DNAH10: variants seen among roughly 807,000 people sequenced by gnomAD.
DNAH10 encodes dynein axonemal heavy chain 10.
In DNAH10, 348 loss-of-function variants were observed where a neutral mutation model predicts 506.6. The observed-to-expected ratio is 0.69, with a 90% CI of 0.63 to 0.75. DNAH10 has a LOEUF of 0.75. DNAH10 is among the 30% of genes least tolerant of loss of function. The pLI, the probability that DNAH10 is intolerant of heterozygous loss-of-function variation, is 0.00. For synonymous variants in DNAH10, 2,059 were observed against 2,198.6 expected (o/e 0.94, Z 1.78); for missense variants, 5,179 against 5,787.1 (o/e 0.89, Z 3.41).
intron 52 of DNAH10, among the ~76,000 whole-genome samples, chr12:123,890,812 G>T (rs1952950071): frequency 6.6e-6 from 1 of 152,126 alleles, no homozygotes; most frequent in Non-Finnish European, 1.5e-5. Flanking sequence ...CTGTGGGTTG[G>T]GGGAGGGGTA....
At chr12:123,765,599 T>TCTATCTAC (rs55731042) in intron 1 of DNAH10, among the ~76,000 whole-genome samples, 2 of 149,324 alleles carry the variant, frequency 1.3e-5, no homozygotes, top group Non-Finnish European at 3.0e-5. Flanking sequence ...TATCTATCTA[T>TCTATCTAC]ACATACCTCT....
In DNAH10 at chr12:123,857,224, G is replaced by A. The variant is rs752715591; in HGVS notation, c.6607G>A (p.Gly2203Ser). ...GGTAGAGCAGGTCCTGGAGGAGAAC[G>A]GCTACGCGGTCCTACCCATCCAGGT... Reference protein sequence around the residue: ...DAVEQVLEENGYAVLPIQVDK... With the variant: ...DAVEQVLEENSYAVLPIQVDK... Residue 2203 changes from glycine (G) to serine (S), a missense_variant, in exon 37 of 79, where the codon GGC (glycine) becomes AGC (serine). By Grantham distance (56) the Gly-to-Ser change is moderately conservative. Transcript: ENST00000673944. 1.1e-5 allele frequency: 17 copies of A among 1,582,272 alleles called. No individual in the cohort carries two copies. In the African/African-American group the frequency reaches 1.2e-4, roughly 11 times the overall value.
chr12:123,868,879 A>C (rs1301385837), intron 43 of DNAH10, among the ~76,000 whole-genome samples: 2 of 152,130 alleles, frequency 1.3e-5, no homozygotes, highest in Non-Finnish European at 2.9e-5. Context: ...GTCTGAGTGC[A>C]CTTTTCCAGA....
In DNAH10 at chr12:123,896,090, G is replaced by A. The variant is rs187535402; in HGVS notation, c.9280+1367G>A. Among the ~76,000 whole-genome samples, 298 of 146,882 alleles carry A rather than the reference G, an allele frequency of 2.0e-3. 2 individuals carry two copies. The highest frequency in any genetic ancestry group is 7.2e-3 in the African/African-American group (286 of 39,996). On this transcript the variant is annotated intron_variant, in intron 54 of 78. Coordinates refer to ENST00000673944, the MANE Select transcript of DNAH10 (RefSeq NM_001372106.1). ...TTTGTGCCACTGCTCTCCATCCTGG[G>A]AGGCACAGTGAGACTTTATCTCACA... is the stretch of plus-strand genomic sequence containing the variant.
intron 14 of DNAH10, 128 bp downstream of exon 14, chr12:123,799,499 C>T: frequency 1.5e-6 from 2 of 1,294,762 alleles, no homozygotes; most frequent in Non-Finnish European, 2.1e-6. Context: ...CAAGGAAGGG[C>T]TAGGGGAGGA....
chr12:123,896,026 T>C (rs1334531695), intron 54 of DNAH10, among the ~76,000 whole-genome samples: 1 of 151,434 alleles, frequency 6.6e-6, no homozygotes, highest in Non-Finnish European at 1.5e-5. Flanking sequence ...GCCATGAGAA[T>C]TGCTTGAGCC....
intron 2 of DNAH10, among the ~76,000 whole-genome samples, chr12:123,769,476 C>T (rs2135966299): frequency 6.6e-6 from 1 of 152,208 alleles, no homozygotes; most frequent in South Asian, 2.1e-4. Context: ...CACGCCCGGC[C>T]TAAAGTGGGT....
At chr12:123,824,191 G>T (rs1431352437) in intron 24 of DNAH10, among the ~76,000 whole-genome samples, 1 of 152,142 alleles carries the variant, frequency 6.6e-6, no homozygotes, top group African/African-American at 2.4e-5. Context: ...CCTCCTGGAG[G>T]TGTGGATGTG....
chr12:123,894,554 G>A (rs1285447831), intron 53 of DNAH10, 89 bp from the exon 54 acceptor site: 11 of 1,232,542 alleles, frequency 8.9e-6, no homozygotes, highest in South Asian at 5.2e-5. Flanking sequence ...CACCACACCC[G>A]GCCCTGATTT....
chr12:123,908,235 CTCCCTGTCTCT>C, intron 57 of DNAH10: 1 of 425,726 alleles, frequency 2.3e-6, no homozygotes, highest in South Asian at 1.7e-5. Flanking sequence ...TTCCTGTCTC[CTCCCTGTCTCT>C]CTGTCTCCTC....
chr12:123,831,799 G>A (rs185718392), intron 26 of DNAH10, among the ~76,000 whole-genome samples: 5 of 151,968 alleles, frequency 3.3e-5, no homozygotes, highest in African/African-American at 7.2e-5. Context: ...CCAGCTACTC[G>A]GGAGGCTGAG....
rs1954304983 is a variant in DNAH10 at position 123,913,114 on chromosome 12, G to A, written c.10151G>A (p.Arg3384Gln). 3.7e-6 allele frequency: 6 copies of A among 1,610,252 alleles called. No homozygotes were observed. Among genetic ancestry groups the A allele is most frequent in the Admixed American group, 1.7e-5 (1 of 59,674 alleles). The change falls in exon 60 of 79, where the codon CGG becomes CAG. Residue 3384 changes from arginine (R) to glutamine (Q), a missense_variant. Physicochemically the swap from Arg to Gln is conservative, Grantham distance 43 (BLOSUM62 1). Around this residue, in one of 3 missense-constraint regions of DNAH10, gnomAD observed 4,844 missense variants for 5,430.5 expected, o/e 0.89. Transcript: ENST00000673944. This position sits in a 1 kb window ranked among gnomAD's most constrained non-coding sequence, Gnocchi z 5.1. Reference protein sequence around the residue: ...PKREKVARLERNFYLTKRELE... With the variant: ...PKREKVARLEQNFYLTKRELE... ...TTCACTTAGGTGGCCAGGCTGGAGC[G>A]GAATTTTTACCTCACTAAACGGGAA... is the stretch of plus-strand genomic sequence containing the variant.
intron 45 of DNAH10, among the ~76,000 whole-genome samples, chr12:123,872,592 G>A (rs1445291801): frequency 6.6e-6 from 1 of 151,732 alleles, no homozygotes; most frequent in African/African-American, 2.4e-5. Context: ...GCAGAGGTTC[G>A]TTCTCAAAGT....
At chr12:123,800,117 A>C in intron 14 of DNAH10, 99 bp from the exon 15 acceptor site, 4 of 1,216,466 alleles carry the variant, frequency 3.3e-6, no homozygotes, top group Non-Finnish European at 4.6e-6. Flanking sequence ...TGAAGGGCCC[A>C]GTGTTGATCT....
chr12:123,904,792 T>C (rs181705640), intron 57 of DNAH10, among the ~76,000 whole-genome samples: 1 of 152,186 alleles, frequency 6.6e-6, no homozygotes, highest in Non-Finnish European at 1.5e-5. Context: ...TATGAGCCTA[T>C]ATGTGAAGAA....
At chr12:123,770,416 A>T (rs1486141172) in intron 2 of DNAH10, among the ~76,000 whole-genome samples, 1 of 148,912 alleles carries the variant, frequency 6.7e-6, no homozygotes, top group Non-Finnish European at 1.5e-5. Context: ...ATTAGAGACT[A>T]CTCTAATGCT....
chr12:123,904,933 A>G (rs1262158641), intron 57 of DNAH10, among the ~76,000 whole-genome samples: 1 of 152,158 alleles, frequency 6.6e-6, no homozygotes, highest in East Asian at 1.9e-4. Context: ...CCCACACTGC[A>G]ACAGGTAGTA....
At chr12:123,804,763 T>C (rs1958599064) in intron 17 of DNAH10, 70 bp from the exon 18 acceptor site, 11 of 1,496,178 alleles carry the variant, frequency 7.4e-6, no homozygotes, top group Non-Finnish European at 1.0e-5. Flanking sequence ...CAGCTCATGT[T>C]TGGATTGCCT....
In DNAH10 at chr12:123,901,723, C is replaced by T. The variant is rs370056278; in HGVS notation, c.9641-1216C>T. Among the ~76,000 whole-genome samples, 13 of 152,254 alleles carry T rather than the reference C, an allele frequency of 8.5e-5. No individual in the cohort carries two copies. In the East Asian group the frequency reaches 1.2e-3, roughly 14 times the overall value. On this transcript the variant is annotated intron_variant, in intron 56 of 78. Transcript: ENST00000673944. ...TCACCTAGGCTGGAGTGCAGTGGCG[C>T]GATCTCGGCTCACTGCAACCTCTGC... is the stretch of plus-strand genomic sequence containing the variant.
Sources: gnomAD v4.1 joint callset for allele counts (sites outside exome capture counted in the v4.1 genomes callset) on GRCh38, gnomAD v4.1.1 for gene constraint, gnomAD v4.1.1 regional missense constraint, Gnocchi (gnomAD v3.1) non-coding constraint, MANE v1.5 for transcripts, NCBI Gene and HGNC (gene_info 2026-07-23, HGNC 2026-07-21) for gene names.